The following NRG1 variants were observed in gnomAD, a reference collection of about 807,000 sequenced individuals.
The protein encoded by NRG1 is pro-neuregulin-1, membrane-bound isoform.
A neutral mutation model predicts 63.8 loss-of-function variants in NRG1; 18 were observed. That is an observed-to-expected ratio of 0.28 (90% confidence interval 0.19 to 0.42). The LOEUF (loss-of-function observed/expected upper bound fraction) is 0.42, where lower values mean the gene tolerates loss of function less well. Ranked by LOEUF, NRG1 falls within the 10% of genes least tolerant of loss-of-function variation. NRG1 has a pLI of 1.00. For missense variants in NRG1, 762 were observed against 814.7 expected, an observed-to-expected ratio of 0.94 and a Z score of 0.79; for synonymous variants, 302 against 301.3, an observed-to-expected ratio of 1.00 and a Z score of -0.02.
intron 1 of NRG1, among the ~76,000 whole-genome samples, chr8:32,491,909 C>T (rs1001520132): frequency 2.0e-5 from 3 of 152,102 alleles, no homozygotes; most frequent in Non-Finnish European, 4.4e-5. Context: ...TATCCTTTTA[C>T]TATAGCTTGT....
At chr8:32,069,986 C>G (rs903893191) in intron 1 of NRG1, among the ~76,000 whole-genome samples, 2 of 152,102 alleles carry the variant, frequency 1.3e-5, no homozygotes, top group African/African-American at 4.8e-5. Flanking sequence ...CTTTGTGGTT[C>G]CCAGCTGGGC....
chr8:31,834,037 A>G (rs1364297968), intron 1 of NRG1, among the ~76,000 whole-genome samples: 21 of 152,150 alleles, frequency 1.4e-4, no homozygotes. Flanking sequence ...TGGCTTATTT[A>G]AAAAGCTGCT....
intron 1 of NRG1, among the ~76,000 whole-genome samples, chr8:32,094,272 T>C (rs937256157): frequency 3.9e-5 from 6 of 152,108 alleles, no homozygotes; most frequent in African/African-American, 1.4e-4. Context: ...GATAATACCC[T>C]GCCAACAGCA....
intron 1 of NRG1, among the ~76,000 whole-genome samples, chr8:31,911,584 G>A (rs756363760): frequency 1.3e-5 from 2 of 152,172 alleles, no homozygotes; most frequent in African/African-American, 2.4e-5. Flanking sequence ...GGTCTTACCA[G>A]ATGGAGGAGG....
At chr8:31,810,508 A>G (rs1351307544) in intron 1 of NRG1, among the ~76,000 whole-genome samples, 1 of 152,072 alleles carries the variant, frequency 6.6e-6, no homozygotes, top group Admixed American at 6.6e-5. Flanking sequence ...TCTTCTTGCT[A>G]TTTTGGGGAG....
chr8:31,863,473 A>G (rs1828660563), intron 1 of NRG1, among the ~76,000 whole-genome samples: 1 of 152,304 alleles, frequency 6.6e-6, no homozygotes, highest in East Asian at 1.9e-4. Context: ...ACCTCTGCAC[A>G]TCACTGAACC....
chr8:32,070,359 T>C (rs1825571122), intron 1 of NRG1, among the ~76,000 whole-genome samples: 1 of 152,210 alleles, frequency 6.6e-6, no homozygotes, highest in Non-Finnish European at 1.5e-5. Flanking sequence ...ATAACCTTGC[T>C]CTGTAAGACT....
chr8:32,677,871 T>C (rs987528110), intron 5 of NRG1, among the ~76,000 whole-genome samples: 7 of 152,150 alleles, frequency 4.6e-5, no homozygotes, highest in African/African-American at 1.7e-4. Context: ...AGCACATTTC[T>C]AACAAGGACC....
chr8:31,830,794 A>G (rs941436149), intron 1 of NRG1, among the ~76,000 whole-genome samples: 1 of 152,054 alleles, frequency 6.6e-6, no homozygotes, highest in East Asian at 1.9e-4. Flanking sequence ...AAAAGAAAAG[A>G]ACTTCTGAGC....
intron 1 of NRG1, among the ~76,000 whole-genome samples, chr8:32,540,348 C>G (rs184623693): frequency 6.6e-6 from 1 of 152,166 alleles, no homozygotes; most frequent in Admixed American, 6.5e-5. Context: ...GATAAGAATC[C>G]TAGTATGTTG....
chr8:32,686,063 A>G (rs892232099), intron 5 of NRG1, among the ~76,000 whole-genome samples: 2 of 152,236 alleles, frequency 1.3e-5, no homozygotes, highest in Non-Finnish European at 2.9e-5. Flanking sequence ...TGTTTTTATC[A>G]TTACAATTGC....
chr8:32,249,417 T>C (rs566563749), intron 1 of NRG1, among the ~76,000 whole-genome samples: 1 of 152,268 alleles, frequency 6.6e-6, no homozygotes, highest in African/African-American at 2.4e-5. Flanking sequence ...TCACAAAACT[T>C]ACTGTTTCAT....
chr8:32,205,157 A>G (rs940354732), intron 1 of NRG1, among the ~76,000 whole-genome samples: 7 of 152,192 alleles, frequency 4.6e-5, no homozygotes, highest in African/African-American at 1.7e-4. Flanking sequence ...ATACTCTAAA[A>G]TGTTAACAAG....
In NRG1 at chr8:31,715,219, A is replaced by T. The variant is rs553894792; in HGVS notation, c.37+75788A>T. On this transcript the variant is annotated intron_variant, in intron 1 of 10. Coordinates refer to the NRG1 transcript ENST00000519301. ...AATAGAATGCAATTAGAGAATACAA[A>T]CCTATAAAATATGTAATATTAGAGG... Among the ~76,000 whole-genome samples the T allele has an allele frequency of 9.8e-5, 15 of 152,286 alleles. 1 individual carries two copies. In the East Asian group the frequency reaches 1.9e-3, roughly 20 times the overall value.
At chr8:32,316,749 C>G (rs1857441101) in intron 1 of NRG1, among the ~76,000 whole-genome samples, 1 of 152,062 alleles carries the variant, frequency 6.6e-6, no homozygotes, top group African/African-American at 2.4e-5. Flanking sequence ...TTGCAATTAA[C>G]AGATCTCCTC....
intron 6 of NRG1, among the ~76,000 whole-genome samples, chr8:32,735,177 A>C (rs1824697740): frequency 6.6e-6 from 1 of 152,194 alleles, no homozygotes; most frequent in Non-Finnish European, 1.5e-5. Flanking sequence ...GTGTATATAT[A>C]CCACATTTTC....
chr8:32,392,531 T>C lies in NRG1; in HGVS notation c.38-203297T>C, dbSNP rs546488351. Among the ~76,000 whole-genome samples the C allele has an allele frequency of 4.3e-4, 65 of 152,350 alleles. 1 individual carries two copies. Among genetic ancestry groups the C allele is most frequent in the African/African-American group, 1.6e-3 (65 of 41,574 alleles). ...TGTTGTTGATGTTGGTTTACTTTAA[T>C]ATGTCCAATTATACCATTATCATCT... is the stretch of plus-strand genomic sequence containing the variant. On this transcript the variant is annotated intron_variant, in intron 1 of 10. Transcript: ENST00000519301.
intron 1 of NRG1, among the ~76,000 whole-genome samples, chr8:32,118,219 A>G (rs1012850830): frequency 6.6e-6 from 1 of 152,078 alleles, no homozygotes. Flanking sequence ...TCATGAGGGC[A>G]GATCCTTCAT....
At chr8:31,883,722 T>A (rs1340458845) in intron 1 of NRG1, among the ~76,000 whole-genome samples, 1 of 152,168 alleles carries the variant, frequency 6.6e-6, no homozygotes, top group African/African-American at 2.4e-5. Flanking sequence ...TTAAAGATAG[T>A]TATTACTTAA....
Sources: allele counts gnomAD v4.1 joint callset (sites outside exome capture counted in the v4.1 genomes callset), GRCh38; gene constraint gnomAD v4.1.1; transcripts MANE v1.5; gene names NCBI Gene and HGNC (gene_info 2026-07-23, HGNC 2026-07-21).